SNTB1: variants seen among roughly 807,000 people sequenced by gnomAD.
SNTB1 encodes beta-1-syntrophin.
Under a neutral mutation model 48.9 loss-of-function variants are expected in SNTB1, and 36 were observed. The ratio of observed to expected loss-of-function variants is 0.74; its 90% CI spans 0.56 to 0.97. SNTB1 has a LOEUF of 0.97. SNTB1 is among the 50% of genes least tolerant of loss of function. The probability of loss-of-function intolerance (pLI) is 0.00; values close to 1 mark genes in which losing one functional copy is unlikely to be tolerated. For missense variants in SNTB1, 786 were observed against 703.4 expected (o/e 1.12, Z -1.33); for synonymous variants, 299 against 294.6 (o/e 1.01, Z -0.15).
At chr8:120,763,521 A>G (rs1819460943) in intron 1 of SNTB1, among the ~76,000 whole-genome samples, 1 of 152,204 alleles carries the variant, frequency 6.6e-6, no homozygotes, top group African/African-American at 2.4e-5. Flanking sequence ...GAGATATTAA[A>G]CTTTCTACAT....
intron 1 of SNTB1, among the ~76,000 whole-genome samples, chr8:120,743,142 ATTC>A (rs1297829968): frequency 6.6e-6 from 1 of 152,162 alleles, no homozygotes; most frequent in Non-Finnish European, 1.5e-5. Context: ...TAGAACAGAA[ATTC>A]TTCTTTATGG....
At chr8:120,687,979 C>G (rs1818059929) in intron 2 of SNTB1, among the ~76,000 whole-genome samples, 3 of 152,176 alleles carry the variant, frequency 2.0e-5, no homozygotes, top group South Asian at 2.1e-4. Context: ...TACCTTGTAG[C>G]AACATATCCA....
chr8:120,684,909 G>A (rs1415909789), intron 2 of SNTB1, among the ~76,000 whole-genome samples: 1 of 152,110 alleles, frequency 6.6e-6, no homozygotes, highest in Non-Finnish European at 1.5e-5. Context: ...ACCCGCCTTG[G>A]CATCCCAAAG....
Position 120,783,982 on chromosome 8 carries a change from A to AGTTTT in SNTB1, c.571+27286_571+27290dup, listed in dbSNP as rs772026575. Among the ~76,000 whole-genome samples the AGTTTT allele has an allele frequency of 1.1e-4, 16 of 152,030 alleles. No individual in the cohort carries two copies. In the Middle Eastern group the frequency reaches 0.017, roughly 162 times the overall value. On this transcript the variant is annotated intron_variant, in intron 1 of 6. Transcript: ENST00000517992. The stretch of plus-strand genomic sequence containing the variant: ...TGTGTAGGTTACATGCAAATACTCC[A>AGTTTT]GTTTTGTTTTGTTTTGTTTTGTTTT...
At chr8:120,646,039 G>T (rs1263890619) in intron 2 of SNTB1, among the ~76,000 whole-genome samples, 2 of 149,674 alleles carry the variant, frequency 1.3e-5, no homozygotes, top group African/African-American at 4.9e-5. Flanking sequence ...TGCTGAAGTT[G>T]CTTATCAGCT....
At chr8:120,636,234 C>CA (rs1376170778) in intron 2 of SNTB1, among the ~76,000 whole-genome samples, 1 of 150,876 alleles carries the variant, frequency 6.6e-6, no homozygotes, top group Non-Finnish European at 1.5e-5. Context: ...TCTTCTTCTT[C>CA]TTTTTTTTTA....
chr8:120,668,853 A>C (rs1013459381), intron 2 of SNTB1, among the ~76,000 whole-genome samples: 2 of 152,230 alleles, frequency 1.3e-5, no homozygotes, highest in African/African-American at 2.4e-5. Flanking sequence ...AACTCTGGGG[A>C]GAAATACTTT....
chr8:120,787,168 A>G (rs939583999), intron 1 of SNTB1, among the ~76,000 whole-genome samples: 5 of 152,200 alleles, frequency 3.3e-5, no homozygotes, highest in African/African-American at 7.2e-5. Context: ...AGGTGACAAT[A>G]ACCTATAAAC....
intron 1 of SNTB1, among the ~76,000 whole-genome samples, chr8:120,729,874 G>C (rs976731333): frequency 3.9e-5 from 6 of 152,186 alleles, no homozygotes; most frequent in African/African-American, 7.2e-5. Context: ...TATTTTTAAG[G>C]ACAGAGTGTG....
Position 120,811,693 on chromosome 8 carries a change from C to T in SNTB1, c.151G>A (p.Glu51Lys). The T allele has an allele frequency of 3.8e-6, 6 of 1,588,590 alleles. No homozygotes were observed. The highest frequency in any genetic ancestry group is 5.1e-6 in the Non-Finnish European group (6 of 1,171,526). Reference sequence around the variant, plus strand: ...CCGTTGTACGCCGCAGCGCCCTCCTCGCTGCTCAGAACCAGGGCGTCCTCG... The same window carrying T: ...CCGTTGTACGCCGCAGCGCCCTCCTTGCTGCTCAGAACCAGGGCGTCCTCG... ...LSEDALVLSS[E>K]EGAAAYNGIG... is the part of the protein sequence containing the mutation. Residue 51 changes from glutamate to lysine, a missense_variant, in exon 1 of 7, where the codon GAG becomes AAG. Glu to Lys is a moderately conservative substitution (Grantham distance 56). Coordinates refer to ENST00000517992, the MANE Select transcript of SNTB1 (RefSeq NM_021021.4).
intron 1 of SNTB1, among the ~76,000 whole-genome samples, chr8:120,746,496 G>A (rs970865655): frequency 2.0e-5 from 3 of 152,138 alleles, no homozygotes; most frequent in African/African-American, 7.2e-5. Flanking sequence ...GCCCCGTGTT[G>A]TTCAAGGGTC....
At chr8:120,582,346 A>C (rs1816061742) in intron 3 of SNTB1, among the ~76,000 whole-genome samples, 3 of 152,190 alleles carry the variant, frequency 2.0e-5, no homozygotes, top group African/African-American at 7.2e-5. Flanking sequence ...ATTCAAGTCA[A>C]TGGTCTCAGC....
chr8:120,593,379 T>C (rs1421639824), intron 3 of SNTB1, among the ~76,000 whole-genome samples: 1 of 152,136 alleles, frequency 6.6e-6, no homozygotes, highest in African/African-American at 2.4e-5. Flanking sequence ...CACCCTCGGG[T>C]CTCATGTCTG....
intron 2 of SNTB1, among the ~76,000 whole-genome samples, chr8:120,661,489 T>G (rs1817586932): frequency 6.6e-6 from 1 of 152,174 alleles, no homozygotes; most frequent in African/African-American, 2.4e-5. Context: ...TATTTTTGAT[T>G]TTTATTTTAC....
rs568782991 is a variant in SNTB1, at chr8:120,536,879, A to C, written c.*1998T>G. ...TTAACTCATACTTCATGTAGAACCG[A>C]GCACCTTAGATTACATATTGTTGAA... On this transcript the variant is annotated 3_prime_UTR_variant, in exon 7 of 7. Transcript: ENST00000517992. The C allele has an allele frequency of 2.0e-4, 30 of 152,100 alleles. No homozygotes were observed. The highest frequency in any genetic ancestry group is 7.2e-4 in the African/African-American group (30 of 41,550). The allele number at this position is 152,100 out of a possible 1,614,324, so 9.4% of individuals were successfully genotyped here.
At chr8:120,579,163 C>T (rs527270598) in intron 3 of SNTB1, among the ~76,000 whole-genome samples, 17 of 149,996 alleles carry the variant, frequency 1.1e-4, no homozygotes, top group Admixed American at 2.7e-4. Flanking sequence ...GGCAACAGAG[C>T]GAGACTCTGT....
In SNTB1 at chr8:120,667,229, T is replaced by C. The variant is rs374346857; in HGVS notation, c.788+26463A>G. Reference sequence around the variant, plus strand: ...TCAAGCCTCTGGGCTCAAGCAGTTCTCCTACTTCAGCCTTCTAAGTAGCTG... The same window carrying C: ...TCAAGCCTCTGGGCTCAAGCAGTTCCCCTACTTCAGCCTTCTAAGTAGCTG... On this transcript the variant is annotated intron_variant, in intron 2 of 6. Transcript: ENST00000517992. 1.6e-3 allele frequency among the ~76,000 whole-genome samples: 249 copies of C among 152,222 alleles called. No individual in the cohort carries two copies. The Middle Eastern group carries it at 0.017, about 10-fold the overall frequency.
chr8:120,738,875 A>G (rs1196542228), intron 1 of SNTB1, among the ~76,000 whole-genome samples: 1 of 152,204 alleles, frequency 6.6e-6, no homozygotes, highest in Non-Finnish European at 1.5e-5. Context: ...AGCCTCAAGA[A>G]TTCCTGACTC....
intron 2 of SNTB1, among the ~76,000 whole-genome samples, chr8:120,684,518 C>T (rs1261387187): frequency 6.6e-6 from 1 of 151,998 alleles, no homozygotes; most frequent in Non-Finnish European, 1.5e-5. Context: ...AGATGTAGGC[C>T]TGTGAAATCA....
Sources: gnomAD v4.1 joint callset for allele counts (sites outside exome capture counted in the v4.1 genomes callset) on GRCh38, gnomAD v4.1.1 for gene constraint, MANE v1.5 for transcripts, NCBI Gene and HGNC (gene_info 2026-07-23, HGNC 2026-07-21) for gene names.